CRY1: variants seen among roughly 807,000 people sequenced by gnomAD.
The protein encoded by CRY1 is cryptochrome circadian regulator 1.
A neutral mutation model predicts 76.0 loss-of-function variants in CRY1; 45 were observed. The ratio of observed to expected loss-of-function variants is 0.59; its 90% CI spans 0.47 to 0.76. The LOEUF is 0.76. Among genes scored for constraint, CRY1 ranks in the 30% least tolerant of loss-of-function variants. CRY1 has a pLI of 0.00. For synonymous variants in CRY1, 248 were observed against 244.0 expected, an observed-to-expected ratio of 1.02 and a Z score of -0.15; for missense variants, 587 against 716.4, an observed-to-expected ratio of 0.82 and a Z score of 2.06.
chr12:107,046,125 T>TAAAA (rs35548593), intron 1 of CRY1, among the ~76,000 whole-genome samples: 1 of 137,094 alleles, frequency 7.3e-6, no homozygotes, highest in African/African-American at 2.7e-5. Flanking sequence ...GACTCTGTCT[T>TAAAA]AAAAAAAAAA....
intron 1 of CRY1, among the ~76,000 whole-genome samples, chr12:107,026,000 AT>A (rs905935760): frequency 6.7e-6 from 1 of 149,076 alleles, no homozygotes; most frequent in African/African-American, 2.5e-5. Context: ...TAAATCTTCC[AT>A]CTTAAAGTCA....
Position 107,092,874 on chromosome 12 carries a change from T to C in CRY1, c.88A>G (p.Thr30Ala). 1 of 1,610,108 alleles carries C rather than the reference T, an allele frequency of 6.2e-7. No individual in the cohort carries two copies. The highest frequency in any genetic ancestry group is 1.1e-5 in the South Asian group (1 of 90,650). ...TCCAGGATGTAGACGCAGCGGATGGTGTCGGCGCCCTGAATGCACTCCTTC... is the reference window on the plus strand; with the variant it reads ...TCCAGGATGTAGACGCAGCGGATGGCGTCGGCGCCCTGAATGCACTCCTTC... ...ALKECIQGADTIRCVYILDPW... is the reference protein window; with the variant it reads ...ALKECIQGADAIRCVYILDPW... The change falls in exon 1 of 13, where the codon ACC becomes GCC. Residue 30 changes from threonine (T) to alanine (A), a missense_variant. By Grantham distance (58) the Thr-to-Ala change is moderately conservative (BLOSUM62 0). Transcript: ENST00000008527.
In CRY1 at chr12:107,069,773, T is replaced by A. The variant is rs962695496; in HGVS notation, c.158+23031A>T. Among the ~76,000 whole-genome samples the A allele has an allele frequency of 4.1e-5, 6 of 147,190 alleles. No individual in the cohort carries two copies. The East Asian group carries it at 1.2e-3, about 29-fold the overall frequency. On this transcript the variant is annotated intron_variant, in intron 1 of 12. Coordinates refer to ENST00000008527, the MANE Select transcript of CRY1 (RefSeq NM_004075.5). ...TATATAAAGTATATATACATATATA[T>A]ACTTTAAACTTCGACAAATAAAACT...
At chr12:106,992,497 GA>G in intron 12 of CRY1, 1 of 254,206 alleles carries the variant, frequency 3.9e-6, no homozygotes, top group South Asian at 6.9e-5. Context: ...ACATAGTAAG[GA>G]AATAAAAAAG....
At chr12:107,000,776 A>G (rs1439742604) in intron 5 of CRY1, among the ~76,000 whole-genome samples, 1 of 151,942 alleles carries the variant, frequency 6.6e-6, no homozygotes. Context: ...CAGCATCCCA[A>G]GTAGCTGGAA....
At chr12:107,017,651 AGG>A in intron 2 of CRY1, among the ~76,000 whole-genome samples, 1 of 152,248 alleles carries the variant, frequency 6.6e-6, no homozygotes, top group South Asian at 2.1e-4. Context: ...AGGTCGCTTA[AGG>A]CCTAGGATTT....
intron 1 of CRY1, among the ~76,000 whole-genome samples, chr12:107,050,779 A>G (rs985885447): frequency 6.6e-6 from 1 of 152,248 alleles, no homozygotes; most frequent in African/African-American, 2.4e-5. Context: ...AAGATGACAG[A>G]GACAGACTAA....
At chr12:107,024,326 T>A (rs1475222859) in intron 1 of CRY1, among the ~76,000 whole-genome samples, 1 of 151,652 alleles carries the variant, frequency 6.6e-6, no homozygotes, top group Non-Finnish European at 1.5e-5. Context: ...ATTCATAAAA[T>A]GAAGAATTAA....
chr12:107,058,884 T>C (rs1223193393), intron 1 of CRY1, among the ~76,000 whole-genome samples: 2 of 152,170 alleles, frequency 1.3e-5, no homozygotes, highest in Non-Finnish European at 2.9e-5. Flanking sequence ...CATAATTATT[T>C]TCAATTATAC....
chr12:107,018,281 G>A (rs1230364488), intron 2 of CRY1, among the ~76,000 whole-genome samples: 2 of 152,186 alleles, frequency 1.3e-5, no homozygotes, highest in African/African-American at 2.4e-5. Flanking sequence ...ATGTGTCACT[G>A]TTTCTTAGAT....
Position 107,007,142 on chromosome 12 carries a change from C to T in CRY1, c.268-1894G>A, listed in dbSNP as rs116124396. ...GCTCAGATTTGTTAGTACGAACTTG[C>T]TATTTTTGAAATTTAAAAATAAAAC... On this transcript the variant is annotated intron_variant, in intron 2 of 12. Transcript: ENST00000008527. Among the ~76,000 whole-genome samples, 480 of 152,230 alleles carry T rather than the reference C, an allele frequency of 3.2e-3. 6 individuals carry two copies. Among genetic ancestry groups the T allele is most frequent in the African/African-American group, 0.011 (468 of 41,540 alleles).
chr12:107,001,834 T>C lies in CRY1; in HGVS notation c.525A>G (p.Ile175Met). The C allele has an allele frequency of 6.3e-7, 1 of 1,591,356 alleles. No homozygotes were observed. Among genetic ancestry groups the C allele is most frequent in the East Asian group, 2.3e-5 (1 of 44,048 alleles). The change falls in exon 4 of 13, where the codon ATA becomes ATG. Residue 175 changes from isoleucine to methionine, a missense_variant. Transcript: ENST00000008527. ...IPVETITSEVIEKCTTPLSDD... is the reference protein window; with the variant it reads ...IPVETITSEVMEKCTTPLSDD... The stretch of plus-strand genomic sequence containing the variant: ...CAGACAGAGGAGTTGTGCACTTTTC[T>C]ATCACTTCTGAAGTAATTGTCTCTA...
intron 1 of CRY1, among the ~76,000 whole-genome samples, chr12:107,047,710 T>A (rs1952866491): frequency 6.6e-6 from 1 of 152,196 alleles, no homozygotes; most frequent in South Asian, 2.1e-4. Context: ...TGCAGAACTG[T>A]GAGTCAATTA....
intron 1 of CRY1, among the ~76,000 whole-genome samples, chr12:107,044,202 C>G (rs539642888): frequency 1.3e-5 from 2 of 152,302 alleles, no homozygotes; most frequent in South Asian, 4.1e-4. Context: ...ACCTGGAACC[C>G]AGAGCTGCTG....
chr12:107,012,052 T>C (rs1476663616), intron 2 of CRY1, among the ~76,000 whole-genome samples: 1 of 152,086 alleles, frequency 6.6e-6, no homozygotes, highest in Non-Finnish European at 1.5e-5. Context: ...TAGCCGGGCA[T>C]GGTGGTGCAC....
intron 2 of CRY1, among the ~76,000 whole-genome samples, chr12:107,007,550 G>A (rs1242791408): frequency 2.7e-5 from 4 of 147,992 alleles, no homozygotes; most frequent in Non-Finnish European, 4.5e-5. Flanking sequence ...TTTTTTAAGA[G>A]TTAGGCTCCC....
intron 1 of CRY1, among the ~76,000 whole-genome samples, chr12:107,024,093 C>T (rs1229776126): frequency 3.9e-5 from 6 of 152,088 alleles, no homozygotes; most frequent in Non-Finnish European, 7.4e-5. Context: ...TAAATTGAAA[C>T]AGTACAAAAC....
Position 107,001,268 on chromosome 12 carries a change from A to G in CRY1, c.684+12T>C. The G allele has an allele frequency of 1.3e-6, 2 of 1,594,862 alleles. No homozygotes were observed. The highest frequency in any genetic ancestry group is 1.7e-6 in the Non-Finnish European group (2 of 1,165,800). On this transcript the variant is annotated intron_variant, in intron 5 of 12. Transcript: ENST00000008527. ...AAATACAAGCATAGCTATATAATCT[A>G]CATTATCATACTTTTCTTTCCAAAT...
chr12:107,081,835 G>C lies in CRY1; in HGVS notation c.158+10969C>G, dbSNP rs1453205764. ...TCATATGCATTGTACTGTCATGAGA[G>C]GGATTAGTGCCTGATATAGTTTACA... On this transcript the variant is annotated intron_variant, in intron 1 of 12. Transcript: ENST00000008527. Among the ~76,000 whole-genome samples the C allele has an allele frequency of 2.0e-5, 3 of 151,982 alleles. 1 individual carries two copies. The highest frequency in any genetic ancestry group is 7.2e-5 in the African/African-American group (3 of 41,420).
Sources: gnomAD v4.1 joint callset for allele counts (sites outside exome capture counted in the v4.1 genomes callset) on GRCh38, gnomAD v4.1.1 for gene constraint, MANE v1.5 for transcripts, NCBI Gene and HGNC (gene_info 2026-07-23, HGNC 2026-07-21) for gene names.